Variants in SULT2B1 observed in about 807,000 individuals in gnomAD.
SULT2B1 encodes sulfotransferase family 2B member 1, also known as sulfotransferase 2B1.
Under a neutral mutation model 33.2 loss-of-function variants are expected in SULT2B1, and 16 were observed. The ratio of observed to expected loss-of-function variants is 0.48; its 90% CI spans 0.33 to 0.73. The LOEUF (loss-of-function observed/expected upper bound fraction) is 0.73, where lower values mean the gene tolerates loss of function less well. Ranked by LOEUF, SULT2B1 falls within the 30% of genes least tolerant of loss-of-function variation. The probability of loss-of-function intolerance (pLI) is 0.02; values close to 1 mark genes in which losing one functional copy is unlikely to be tolerated. For synonymous variants in SULT2B1, 186 were observed against 200.5 expected (o/e 0.93, Z 0.61); for missense variants, 500 against 506.0 (o/e 0.99, Z 0.11).
intron 2 of SULT2B1, among the ~76,000 whole-genome samples, chr19:48,579,283 CTTTTT>C (rs142498510): frequency 7.3e-6 from 1 of 136,674 alleles, no homozygotes. Flanking sequence ...CATGCAAGTT[CTTTTT>C]TTTTTTTTTT....
At chr19:48,554,945 G>A (rs1341379276) in intron 1 of SULT2B1, among the ~76,000 whole-genome samples, 2 of 152,012 alleles carry the variant, frequency 1.3e-5, no homozygotes, top group African/African-American at 4.8e-5. Flanking sequence ...GCCCTGGACA[G>A]GGAATTTAGG....
At chr19:48,577,028 ATTTTTTTTTTTTT>A (rs71179012) in intron 2 of SULT2B1, among the ~76,000 whole-genome samples, 1 of 92,942 alleles carries the variant, frequency 1.1e-5, no homozygotes, top group South Asian at 3.8e-4. Flanking sequence ...ACCCCCCTCT[ATTTTTTTTTTTTT>A]TTTTTTTTTT....
intron 5 of SULT2B1, among the ~76,000 whole-genome samples, chr19:48,594,262 GAAAAAC>G (rs921663084): frequency 2.0e-4 from 30 of 152,104 alleles, no homozygotes; most frequent in East Asian, 1.6e-3. Flanking sequence ...TCTGTCTCCA[GAAAAAC>G]AAAAACAAAA....
intron 1 of SULT2B1, among the ~76,000 whole-genome samples, chr19:48,556,591 C>A (rs1031627392): frequency 1.3e-5 from 2 of 151,332 alleles, no homozygotes; most frequent in East Asian, 3.9e-4. Context: ...TCAAATGGTT[C>A]GTTTTTTAAG....
chr19:48,567,848 T>G (rs1411692297), intron 1 of SULT2B1, among the ~76,000 whole-genome samples: 1 of 151,942 alleles, frequency 6.6e-6, no homozygotes, highest in Non-Finnish European at 1.5e-5. Flanking sequence ...TGTATGCCTG[T>G]AGTCCCAGCT....
At chr19:48,581,029 CTTTTT>C (rs57093444) in intron 2 of SULT2B1, among the ~76,000 whole-genome samples, 65 of 65,098 alleles carry the variant, frequency 1.0e-3, no homozygotes, top group African/African-American at 2.0e-3. Context: ...ATATATATTC[CTTTTT>C]TTTTTTTTTT....
intron 6 of SULT2B1, 83 bp downstream of exon 6, chr19:48,597,002 T>C: frequency 7.3e-7 from 1 of 1,366,988 alleles, no homozygotes; most frequent in Non-Finnish European, 9.8e-7. Context: ...TCTCTGGGCC[T>C]CAGTTTCTCA....
chr19:48,597,339 T>A, intron 6 of SULT2B1, among the ~76,000 whole-genome samples: 1 of 2,432 alleles, frequency 4.1e-4, no homozygotes, highest in Non-Finnish European at 7.3e-4. Context: ...CGTTTACTCT[T>A]TTTTTTTTTT....
intron 1 of SULT2B1, among the ~76,000 whole-genome samples, chr19:48,572,562 A>G (rs1973345573): frequency 6.6e-6 from 1 of 151,938 alleles, no homozygotes; most frequent in Non-Finnish European, 1.5e-5. Flanking sequence ...GTCGAGGTGG[A>G]AGGAGGAGAT....
Position 48,552,558 on chromosome 19 carries a change from C to G in SULT2B1, c.71+235C>G, listed in dbSNP as rs1164306730. Among the ~76,000 whole-genome samples, 2 of 152,110 alleles carry G rather than the reference C, an allele frequency of 1.3e-5. No homozygotes were observed. The highest frequency in any genetic ancestry group is 3.9e-4 in the East Asian group (2 of 5,176). Reference sequence around the variant, plus strand: ...CACCAGTGGGGATGCCTGGGGTGTCCCTGTCGCTCTCCGGGCCTCAGTTTT... The same window carrying G: ...CACCAGTGGGGATGCCTGGGGTGTCGCTGTCGCTCTCCGGGCCTCAGTTTT... On this transcript the variant is annotated intron_variant, in intron 1 of 6. Transcript: ENST00000201586. This position sits in a 1 kb window ranked among gnomAD's most constrained non-coding sequence, Gnocchi z 4.8.
At position 48,576,057 on chromosome 19, in the gene SULT2B1, T is replaced by C; in HGVS notation, c.188T>C (p.Ile63Thr). The C allele has an allele frequency of 6.2e-7, 1 of 1,612,936 alleles. No individual in the cohort carries two copies. ...ENTQDVRDDD[I>T]FIITYPKSGT... ...ACCCAAGATGTGCGGGACGACGACA[T>C]CTTTATCATCACCTACCCCAAGTCA... is the stretch of plus-strand genomic sequence containing the variant. The change falls in exon 2 of 7, where the codon ATC becomes ACC. Residue 63 changes from isoleucine (I) to threonine (T), a missense_variant. Physicochemically the swap from Ile to Thr is moderately conservative, Grantham distance 89. Transcript: ENST00000201586.
intron 5 of SULT2B1, chr19:48,595,843 T>A (rs1004297474): frequency 2.6e-5 from 4 of 151,972 alleles, no homozygotes; most frequent in African/African-American, 9.7e-5. Context: ...ATTTTTGTAT[T>A]GTTAGTAGAA....
At chr19:48,591,790 T>C (rs1389934923) in intron 4 of SULT2B1, 55 bp downstream of exon 4, 15 of 1,507,878 alleles carry the variant, frequency 9.9e-6, no homozygotes, top group Non-Finnish European at 1.3e-5. Flanking sequence ...CAGAGGACCC[T>C]GATGGGCAGA....
In SULT2B1 at chr19:48,567,996, G is replaced by A. The variant is rs189554920; in HGVS notation, c.72-7945G>A. Among the ~76,000 whole-genome samples, 185 of 151,848 alleles carry A rather than the reference G, an allele frequency of 1.2e-3. 2 individuals are homozygous for A. Among genetic ancestry groups the A allele is most frequent in the African/African-American group, 4.2e-3 (176 of 41,448 alleles). ...TATCCAAAAAATAAAAATAAGCAGG[G>A]CACGGTGGCTTATGCCTGTAATCCC... is the stretch of plus-strand genomic sequence containing the variant. On this transcript the variant is annotated intron_variant, in intron 1 of 6. Transcript: ENST00000201586.
chr19:48,593,784 G>A (rs952830335), intron 5 of SULT2B1, among the ~76,000 whole-genome samples: 13 of 149,526 alleles, frequency 8.7e-5, no homozygotes, highest in East Asian at 6.5e-4. Flanking sequence ...ACAGGCATGC[G>A]CCACCACGCC....
chr19:48,585,177 A>G (rs997281367), intron 2 of SULT2B1, among the ~76,000 whole-genome samples: 1 of 151,958 alleles, frequency 6.6e-6, no homozygotes, highest in Non-Finnish European at 1.5e-5. Flanking sequence ...GCAACAGTGC[A>G]CACCAGCCCA....
At chr19:48,562,864 G>A (rs1255493797) in intron 1 of SULT2B1, among the ~76,000 whole-genome samples, 3 of 151,876 alleles carry the variant, frequency 2.0e-5, no homozygotes, top group African/African-American at 7.3e-5. Flanking sequence ...ATTTTTAGTA[G>A]AGATGGGGTT....
intron 1 of SULT2B1, among the ~76,000 whole-genome samples, chr19:48,565,420 C>G (rs1380503466): frequency 6.6e-6 from 1 of 151,744 alleles, no homozygotes; most frequent in Non-Finnish European, 1.5e-5. Context: ...CCCTCTGTCA[C>G]CTAGGCTGAA....
At chr19:48,587,205 A>G (rs550626200) in intron 2 of SULT2B1, 24 bp from the exon 3 acceptor site, 1 of 1,575,418 alleles carries the variant, frequency 6.3e-7, no homozygotes, top group East Asian at 2.2e-5. Context: ...ACACCCAATT[A>G]ATCTGCTCGA....
Sources: gnomAD v4.1 joint callset for allele counts (sites outside exome capture counted in the v4.1 genomes callset) on GRCh38, gnomAD v4.1.1 for gene constraint, Gnocchi (gnomAD v3.1) non-coding constraint, MANE v1.5 for transcripts, NCBI Gene and HGNC (gene_info 2026-07-23, HGNC 2026-07-21) for gene names.